Variants in SORCS3 observed in about 807,000 individuals in gnomAD.
The protein encoded by SORCS3 is sortilin related VPS10 domain containing receptor 3.
Under a neutral mutation model 146.3 loss-of-function variants are expected in SORCS3, and 57 were observed. The ratio of observed to expected loss-of-function variants is 0.39; its 90% CI spans 0.31 to 0.49. The LOEUF (loss-of-function observed/expected upper bound fraction) is 0.49, where lower values mean the gene tolerates loss of function less well. SORCS3 is among the 20% of genes least tolerant of loss of function. The pLI is 0.92. For missense variants in SORCS3, 1,341 were observed against 1,575.5 expected (o/e 0.85, Z 2.52); for synonymous variants, 653 against 618.5 (o/e 1.06, Z -0.83).
chr10:104,711,813 G>C (rs1233150122), intron 1 of SORCS3, among the ~76,000 whole-genome samples: 2 of 152,226 alleles, frequency 1.3e-5, no homozygotes, highest in Admixed American at 6.5e-5. Context: ...GGAAAGTTCA[G>C]AGTTGGGGAT....
intron 13 of SORCS3, among the ~76,000 whole-genome samples, chr10:105,174,974 A>G (rs1448233884): frequency 6.6e-6 from 1 of 152,144 alleles, no homozygotes; most frequent in Non-Finnish European, 1.5e-5. Context: ...TATGGCAGTG[A>G]TGTGAAGACG....
chr10:105,086,183 A>G (rs1447986405), intron 5 of SORCS3, among the ~76,000 whole-genome samples: 1 of 152,240 alleles, frequency 6.6e-6, no homozygotes, highest in African/African-American at 2.4e-5. Flanking sequence ...TCATGACCCT[A>G]CTGGATCACG....
At chr10:104,835,054 C>T (rs928151512) in intron 1 of SORCS3, among the ~76,000 whole-genome samples, 1 of 152,122 alleles carries the variant, frequency 6.6e-6, no homozygotes, top group Non-Finnish European at 1.5e-5. Flanking sequence ...AATTCCTTGT[C>T]TTCCCAACTA....
intron 5 of SORCS3, among the ~76,000 whole-genome samples, chr10:105,086,019 C>G (rs1198867795): frequency 1.3e-5 from 2 of 151,844 alleles, no homozygotes; most frequent in Non-Finnish European, 2.9e-5. Context: ...TGTATATGTA[C>G]ATCGTTTTTA....
chr10:104,880,809 G>A (rs553203693), intron 2 of SORCS3, among the ~76,000 whole-genome samples: 5 of 152,186 alleles, frequency 3.3e-5, no homozygotes, highest in African/African-American at 9.6e-5. Flanking sequence ...GTGTTGATGC[G>A]GTCATTACTG....
intron 3 of SORCS3, among the ~76,000 whole-genome samples, chr10:104,973,632 C>G (rs1479343928): frequency 2.7e-5 from 4 of 149,834 alleles, no homozygotes. Flanking sequence ...TTTGTTGATC[C>G]TTTCAAAAAA....
chr10:104,681,474 G>C (rs983400607), intron 1 of SORCS3, among the ~76,000 whole-genome samples: 5 of 152,210 alleles, frequency 3.3e-5, no homozygotes, highest in African/African-American at 9.6e-5. Context: ...AGGGGCTGTG[G>C]GCTGAGGAAG....
At chr10:105,227,604 C>A (rs1312614238) in intron 20 of SORCS3, among the ~76,000 whole-genome samples, 2 of 151,946 alleles carry the variant, frequency 1.3e-5, no homozygotes, top group East Asian at 3.9e-4. Flanking sequence ...TCTTTGTTTT[C>A]CGTCTAGATG....
At chr10:104,853,477 A>C (rs947150826) in intron 2 of SORCS3, among the ~76,000 whole-genome samples, 2 of 152,234 alleles carry the variant, frequency 1.3e-5, no homozygotes, top group African/African-American at 4.8e-5. Context: ...GAGATGAGCA[A>C]AAAAACCCCA....
At chr10:104,893,519 G>A (rs2018769297) in intron 2 of SORCS3, among the ~76,000 whole-genome samples, 1 of 152,164 alleles carries the variant, frequency 6.6e-6, no homozygotes. Context: ...TTCTATCAGT[G>A]GCATGTACTG....
chr10:105,169,624 G>C (rs2056343498), intron 13 of SORCS3, among the ~76,000 whole-genome samples: 1 of 152,104 alleles, frequency 6.6e-6, no homozygotes, highest in South Asian at 2.1e-4. Flanking sequence ...AATGTAAATA[G>C]AGGTGGGTAG....
chr10:105,224,212 C>G (rs1307285989), intron 20 of SORCS3, among the ~76,000 whole-genome samples: 2 of 152,126 alleles, frequency 1.3e-5, no homozygotes, highest in Non-Finnish European at 2.9e-5. Context: ...GTTTCACTAC[C>G]CTGAAAATGC....
At chr10:104,845,837 A>G (rs906137906) in intron 2 of SORCS3, among the ~76,000 whole-genome samples, 2 of 152,236 alleles carry the variant, frequency 1.3e-5, no homozygotes, top group South Asian at 2.1e-4. Context: ...AAGTGGAGAA[A>G]TGTCCCTACC....
chr10:104,933,434 A>C (rs903042865), intron 3 of SORCS3, among the ~76,000 whole-genome samples: 1 of 152,172 alleles, frequency 6.6e-6, no homozygotes, highest in African/African-American at 2.4e-5. Context: ...AACTGCTTCC[A>C]GAAGCTCAGA....
intron 2 of SORCS3, among the ~76,000 whole-genome samples, chr10:104,847,863 G>A (rs1189415546): frequency 6.6e-6 from 1 of 152,036 alleles, no homozygotes; most frequent in Non-Finnish European, 1.5e-5. Flanking sequence ...CTTCCTGTAT[G>A]CCTGGCTTCA....
intron 7 of SORCS3, among the ~76,000 whole-genome samples, chr10:105,115,950 C>T (rs2055890946): frequency 6.6e-6 from 1 of 152,148 alleles, no homozygotes; most frequent in Non-Finnish European, 1.5e-5. Context: ...CAGAGACAGT[C>T]TTCAAAAGAA....
chr10:104,793,865 A>T (rs2017521372), intron 1 of SORCS3, among the ~76,000 whole-genome samples: 1 of 152,180 alleles, frequency 6.6e-6, no homozygotes, highest in African/African-American at 2.4e-5. Context: ...GAAATTGTGG[A>T]TCTACTAGCA....
intron 2 of SORCS3, among the ~76,000 whole-genome samples, chr10:104,893,863 A>T (rs1231854612): frequency 6.6e-6 from 1 of 152,132 alleles, no homozygotes; most frequent in East Asian, 1.9e-4. Flanking sequence ...CATTCTGATA[A>T]GGACCTCGGG....
chr10:105,248,625 A>C (rs2056881112), intron 22 of SORCS3, among the ~76,000 whole-genome samples: 1 of 150,904 alleles, frequency 6.6e-6, no homozygotes, highest in Admixed American at 6.7e-5. Flanking sequence ...GAGGCAGGAG[A>C]GTCACCTGAA....
Sources: gnomAD v4.1 joint callset for allele counts (sites outside exome capture counted in the v4.1 genomes callset) on GRCh38, gnomAD v4.1.1 for gene constraint, MANE v1.5 for transcripts, NCBI Gene and HGNC (gene_info 2026-07-23, HGNC 2026-07-21) for gene names.